MUC6: variants seen among roughly 807,000 people sequenced by gnomAD.
MUC6 encodes mucin 6, oligomeric mucus/gel-forming (gene/pseudogene).
A neutral mutation model predicts 201.5 loss-of-function variants in MUC6; 188 were observed. That is an observed-to-expected ratio of 0.93 (90% CI 0.83 to 1.05). The LOEUF (loss-of-function observed/expected upper bound fraction) is 1.05, where lower values mean the gene tolerates loss of function less well. Among genes scored for constraint, MUC6 ranks in the 50% least tolerant of loss-of-function variants. MUC6 has a pLI of 0.00. For missense variants in MUC6, 2,706 were observed against 3,256.9 expected, an observed-to-expected ratio of 0.83 and a Z score of 4.12; for synonymous variants, 1,228 against 1,389.4, an observed-to-expected ratio of 0.88 and a Z score of 2.58.
chr11:1,027,811 C>T lies in MUC6; in HGVS notation c.1855G>A (p.Val619Met), dbSNP rs7481521. 0.52 allele frequency: 835,332 copies of T among 1,608,470 alleles called. 223,158 individuals are homozygous for T. Among genetic ancestry groups the T allele is most frequent in the Admixed American group, 0.66 (39,218 of 59,620 alleles). The change falls in exon 16 of 33, where the codon GTG becomes ATG. Residue 619 changes from valine to methionine, a missense_variant. Transcript: ENST00000421673. ...TCCTCGTAGTTGCAGGCCTGGTACACGCACCTCTGCGGGCAGAGAGCCAGC... is the reference window on the plus strand; with the variant it reads ...TCCTCGTAGTTGCAGGCCTGGTACATGCACCTCTGCGGGCAGAGAGCCAGC... ...VNPAPFYKRC[V>M]YQACNYEETF...
rs1240547052 is a variant in MUC6, at chr11:1,033,673, A to G, written c.53-598T>C. ...AGCCCAGTCACGGTGACTCCAGGGC[A>G]GGGCAGCGGGGGACGTCCCACCCTG... is the stretch of plus-strand genomic sequence containing the variant. On this transcript the variant is annotated intron_variant, in intron 1 of 32. Coordinates refer to ENST00000421673, the MANE Select transcript of MUC6 (RefSeq NM_005961.3). The surrounding 1 kb of genome is among the most constrained non-coding windows in gnomAD (Gnocchi z 5.6). Among the ~76,000 whole-genome samples the G allele has an allele frequency of 6.6e-6, 1 of 151,972 alleles. No homozygotes were observed. Among genetic ancestry groups the G allele is most frequent in the Non-Finnish European group, 1.5e-5 (1 of 67,946 alleles).
In MUC6 at chr11:1,018,162, G is replaced by A. The variant is rs765565390; in HGVS notation, c.4639C>T (p.Pro1547Ser). 1 of 1,540,100 alleles carries A rather than the reference G, an allele frequency of 6.5e-7. No individual in the cohort carries two copies. Among genetic ancestry groups the A allele is most frequent in the South Asian group, 1.1e-5 (1 of 87,584 alleles). Residue 1547 changes from proline (P) to serine (S), a missense_variant, in exon 31 of 33, where the codon CCC (proline) becomes TCC (serine). By Grantham distance (74) the Pro-to-Ser change is moderately conservative. Around this residue, in one of 10 missense-constraint regions of MUC6, gnomAD observed 128 missense variants for 206.5 expected, o/e 0.62. Coordinates refer to ENST00000421673, the MANE Select transcript of MUC6 (RefSeq NM_005961.3). The part of the protein sequence containing the change: ...VTPTSTTTIT[P>S]NPTSTRTRTP... ...CTGGTGCGTGTACTAGTGGGGTTGG[G>A]AGTAATCGTGGTAGTAGAAGTTGGG... is the stretch of plus-strand genomic sequence containing the variant.
Position 1,026,997 on chromosome 11 carries a change from T to C in MUC6, c.2338A>G (p.Lys780Glu). 6.2e-7 allele frequency: 1 copy of C among 1,603,120 alleles called. No homozygotes were observed. The highest frequency in any genetic ancestry group is 8.5e-7 in the Non-Finnish European group (1 of 1,175,582). Residue 780 changes from lysine (K) to glutamate (E), a missense_variant, in exon 19 of 33, where the codon AAG (lysine) becomes GAG (glutamate). By Grantham distance (56) the Lys-to-Glu change is moderately conservative (BLOSUM62 1). Around this residue, in one of 10 missense-constraint regions of MUC6, gnomAD observed 1,850 missense variants for 1,958.3 expected, o/e 0.94. Coordinates refer to ENST00000421673, the MANE Select transcript of MUC6 (RefSeq NM_005961.3). ...GTGGGGGCACAGGCTGCCCCAAACT[T>C]GTTCTCGGAGGACTGGCTGCAGGAC... Reference protein sequence around the residue: ...FKSCSQSSENKFGAACAPTCQ... With the variant: ...FKSCSQSSENEFGAACAPTCQ...
In MUC6 at chr11:1,016,130, G is replaced by A; in HGVS notation, c.6671C>T (p.Ala2224Val). Residue 2224 changes from alanine to valine, a missense_variant, in exon 31 of 33, where the codon GCT (alanine) becomes GTT (valine). Coordinates refer to ENST00000421673, the MANE Select transcript of MUC6 (RefSeq NM_005961.3). ...GGTAACAGTGGATATGGGGAGTAGA[G>A]CAGAGAGGGTGAAAGGAGAGGAGAT... ...HTISSPFTLS[A>V]LLPISTVTVS... is the part of the protein sequence containing the mutation. 6.2e-7 allele frequency: 1 copy of A among 1,613,764 alleles called. No individual in the cohort carries two copies. Among genetic ancestry groups the A allele is most frequent in the African/African-American group, 1.3e-5 (1 of 74,982 alleles).
Position 1,015,769 on chromosome 11 carries a change from G to A in MUC6, c.7032C>T (p.Thr2344=). 1 of 1,533,000 alleles carries A rather than the reference G, an allele frequency of 6.5e-7. No individual in the cohort carries two copies. Among genetic ancestry groups the A allele is most frequent in the Non-Finnish European group, 8.8e-7 (1 of 1,138,216 alleles). The allele number at this position is 1,533,000 out of a possible 1,614,324, so 95.0% of individuals were successfully genotyped here. ...CACAGAGATGCCACTTACCGGGTGA[G>A]GTGGGCGTAGGTGTCCCGAGAGAAG... ...PVSSLGTPTP[T]SPGVCSVREQ... The change falls in exon 31 of 33, where the codon ACC becomes ACT. Residue 2344 remains threonine (T), a synonymous_variant. Coordinates refer to ENST00000421673, the MANE Select transcript of MUC6 (RefSeq NM_005961.3).
intron 13 of MUC6, 81 bp from the exon 14 acceptor site, chr11:1,028,468 C>T: frequency 2.6e-6 from 4 of 1,561,212 alleles, no homozygotes; most frequent in Non-Finnish European, 3.5e-6. Context: ...AGCTCCCGTC[C>T]TTCCTCTAAC....
rs766886841 is a variant in MUC6, at chr11:1,031,691, T to C, written c.399A>G (p.Thr133=). 3.9e-6 allele frequency: 6 copies of C among 1,550,722 alleles called. No individual in the cohort carries two copies. The South Asian group carries it at 5.9e-5, about 15-fold the overall frequency. ...CCAGCCGCACGCTCTGGCCGAAGGG[T>C]GTGATCTGGAGTCCATTGCTGGTAT... ...LPYTSNGLQI[T]PFGQSVRLVA... The change falls in exon 4 of 33, where the codon ACA becomes ACG. Residue 133 remains threonine, a synonymous_variant. Transcript: ENST00000421673.
intron 2 of MUC6, among the ~76,000 whole-genome samples, chr11:1,032,462 G>T (rs1418582509): frequency 1.3e-5 from 2 of 151,452 alleles, no homozygotes; most frequent in Non-Finnish European, 2.9e-5. Context: ...ATGTGTGTTT[G>T]TGTGAGCTGG....
In MUC6 at chr11:1,027,432, G is replaced by A. The variant is rs1437643781; in HGVS notation, c.2067C>T (p.Thr689=). Residue 689 remains threonine, a synonymous_variant, in exon 17 of 33, where the codon ACC becomes ACT. Coordinates refer to ENST00000421673, the MANE Select transcript of MUC6 (RefSeq NM_005961.3). ...RTCLSLSDRA[T]ECHHSAVPVD... is the part of the protein sequence containing the mutation. The stretch of plus-strand genomic sequence containing the variant: ...CGGGCACGGCGCTGTGGTGGCACTC[G>A]GTGGCACGGTCCGACAGCGACAGGC... 29 of 1,612,658 alleles carry A rather than the reference G, an allele frequency of 1.8e-5. No individual in the cohort carries two copies. The highest frequency in any genetic ancestry group is 2.4e-5 in the Non-Finnish European group (28 of 1,179,804).
chr11:1,026,415 G>A lies in MUC6; in HGVS notation c.2458C>T (p.Gln820Ter), dbSNP rs374011243. The change falls in exon 20 of 33, where the codon CAG (glutamine) becomes TAG (stop). Residue 820 changes from glutamine to a stop codon, truncating the protein, a stop_gained. Coordinates refer to ENST00000421673, the MANE Select transcript of MUC6 (RefSeq NM_005961.3). LOFTEE classifies it high-confidence loss of function. ...AEGLYENADG[Q>*]CVPPEECPCE... ...GGGCACTCCTCGGGGGGCACACACTGCCCGTCGGCATTCTCGTAGAGGCCC... is the reference window on the plus strand; with the variant it reads ...GGGCACTCCTCGGGGGGCACACACTACCCGTCGGCATTCTCGTAGAGGCCC... 3 of 1,608,604 alleles carry A rather than the reference G, an allele frequency of 1.9e-6. No individual in the cohort carries two copies. Among genetic ancestry groups the A allele is most frequent in the Non-Finnish European group, 2.5e-6 (3 of 1,178,322 alleles).
intron 31 of MUC6, among the ~76,000 whole-genome samples, chr11:1,014,928 G>A (rs538203275): frequency 1.6e-4 from 25 of 152,320 alleles, no homozygotes; most frequent in Admixed American, 1.4e-3. Context: ...CCCAAGTCCC[G>A]GTCTCAGGGA....
At chr11:1,032,276 G>A (rs562294069) in intron 2 of MUC6, among the ~76,000 whole-genome samples, 22 of 152,278 alleles carry the variant, frequency 1.4e-4, no homozygotes, top group South Asian at 6.2e-4. Context: ...GTGGGTACAC[G>A]TATGTGTGTT....
intron 1 of MUC6, among the ~76,000 whole-genome samples, chr11:1,035,731 A>C (rs1857202035): frequency 6.6e-6 from 1 of 152,102 alleles, no homozygotes; most frequent in Admixed American, 6.5e-5. Context: ...CCAGGTTGGC[A>C]GCAGCTCCGA....
intron 26 of MUC6, among the ~76,000 whole-genome samples, chr11:1,023,180 C>T (rs1451475291): frequency 7.4e-5 from 11 of 149,588 alleles, no homozygotes; most frequent in Admixed American, 2.0e-4. Context: ...CATGAATCTG[C>T]GGGAATGTGA....
intron 24 of MUC6, among the ~76,000 whole-genome samples, 163 bp downstream of exon 24, chr11:1,024,681 G>C (rs1031705391): frequency 2.6e-5 from 4 of 152,210 alleles, no homozygotes; most frequent in Admixed American, 6.5e-5. Flanking sequence ...CCCCACATCA[G>C]GGCCCTGCAC....
chr11:1,022,171 G>A (rs1856827679), intron 26 of MUC6, among the ~76,000 whole-genome samples: 1 of 120,588 alleles, frequency 8.3e-6, no homozygotes, highest in Non-Finnish European at 1.7e-5. Flanking sequence ...CGCTCCCTCT[G>A]CCCTCTACAG....
rs77630889 is a variant in MUC6 at position 1,018,229 on chromosome 11, C to T, written c.4572G>A (p.Ser1524=). The change falls in exon 31 of 33, where the codon TCG becomes TCA. Residue 1524 remains serine, a synonymous_variant. Transcript: ENST00000421673. ...GTGTGGAGGAAGTGTGTGAATGTAG[C>T]GAGGTAGGTGTTTTGTTTGTGCTGA... The part of the protein sequence containing the change: ...SSFSTNKTPT[S]LHSHTSSTHH... The T allele has an allele frequency of 9.2e-6, 13 of 1,416,910 alleles. No homozygotes were observed. The highest frequency in any genetic ancestry group is 4.6e-5 in the South Asian group (4 of 86,950). The allele number at this position is 1,416,910 out of a possible 1,614,324, so 87.8% of individuals were successfully genotyped here.
chr11:1,020,588 C>T (rs994781220), intron 28 of MUC6, 96 bp downstream of exon 28: 1 of 1,540,296 alleles, frequency 6.5e-7, no homozygotes, highest in Non-Finnish European at 9.0e-7. Flanking sequence ...CTGCCTGCCC[C>T]CTCCCTGCTT....
At chr11:1,015,675 C>G in intron 31 of MUC6, 87 bp downstream of exon 31, 2 of 1,485,092 alleles carry the variant, frequency 1.3e-6, no homozygotes, top group Non-Finnish European at 1.8e-6. Context: ...ATCACAGGAC[C>G]ATGAGGGGTA....
Sources: allele counts gnomAD v4.1 joint callset (sites outside exome capture counted in the v4.1 genomes callset), GRCh38; gene constraint gnomAD v4.1.1; regional missense constraint gnomAD v4.1.1; non-coding constraint Gnocchi (gnomAD v3.1); transcripts MANE v1.5; gene names NCBI Gene and HGNC (gene_info 2026-07-23, HGNC 2026-07-21).